Variants in LOXHD1 observed in about 807,000 individuals in gnomAD.
LOXHD1 encodes lipoxygenase homology domain-containing protein 1.
LOXHD1 carries 205 observed loss-of-function variants against 248.2 expected under a neutral mutation model. That is an observed-to-expected ratio of 0.83 (90% CI 0.74 to 0.93). LOXHD1 has a LOEUF of 0.93. Among genes scored for constraint, LOXHD1 ranks in the 40% least tolerant of loss-of-function variants. The probability of loss-of-function intolerance (pLI) is 0.00; values close to 1 mark genes in which losing one functional copy is unlikely to be tolerated. For synonymous variants in LOXHD1, 1,113 were observed against 1,162.8 expected (o/e 0.96, Z 0.87); for missense variants, 2,930 against 2,971.6 (o/e 0.99, Z 0.33).
At position 46,541,821 on chromosome 18, in the gene LOXHD1, T is replaced by C; in HGVS notation, c.3868A>G (p.Arg1290Gly). ...TGAAGCTCTGCATGGAAGAGGTCTC[T>C]GATGATGGACCCGTCGTCTTCGTTT... The part of the protein sequence containing the change: ...AKNEDDGSII[R>G]DLFHAELQTR... Residue 1290 changes from arginine to glycine, a missense_variant, in exon 25 of 41, where the codon AGA becomes GGA. Transcript: ENST00000642948. 1.9e-6 allele frequency: 3 copies of C among 1,551,688 alleles called. No homozygotes were observed. The highest frequency in any genetic ancestry group is 2.6e-6 in the Non-Finnish European group (3 of 1,146,984).
At chr18:46,533,692 G>A (rs564871426) in intron 27 of LOXHD1, 1 of 330,592 alleles carries the variant, frequency 3.0e-6, no homozygotes, top group Non-Finnish European at 6.0e-6. Context: ...GAGAGGCCAA[G>A]GCGGGTGGAT....
chr18:46,632,695 C>T (rs919581204), intron 4 of LOXHD1, among the ~76,000 whole-genome samples: 1 of 152,122 alleles, frequency 6.6e-6, no homozygotes, highest in Non-Finnish European at 1.5e-5. Flanking sequence ...AATTTGATAG[C>T]CAAGACTCTG....
At chr18:46,567,159 A>ATG in intron 16 of LOXHD1, among the ~76,000 whole-genome samples, 1 of 152,276 alleles carries the variant, frequency 6.6e-6, no homozygotes, top group Middle Eastern at 3.4e-3. Flanking sequence ...GATTGCTTTT[A>ATG]TGTTTTTTCT....
chr18:46,600,796 G>A (rs2038324935), intron 8 of LOXHD1, among the ~76,000 whole-genome samples: 1 of 152,184 alleles, frequency 6.6e-6, no homozygotes, highest in Admixed American at 6.5e-5. Flanking sequence ...CTGTGTGATA[G>A]ACAAAATTGA....
intron 20 of LOXHD1, chr18:46,558,959 GAC>G (rs1568183443): frequency 2.4e-6 from 1 of 409,956 alleles, no homozygotes; most frequent in African/African-American, 2.1e-5. Context: ...TCAGCTGGAA[GAC>G]ACACTGTCCT....
chr18:46,513,093 A>G (rs950643897), intron 34 of LOXHD1, among the ~76,000 whole-genome samples: 1 of 152,258 alleles, frequency 6.6e-6, no homozygotes, highest in African/African-American at 2.4e-5. Context: ...TTACCTTAAA[A>G]GCTGAGAACT....
Position 46,566,298 on chromosome 18 carries a change from T to C in LOXHD1, c.2396A>G (p.Glu799Gly), listed in dbSNP as rs1599010881. 9.0e-6 allele frequency: 14 copies of C among 1,551,654 alleles called. No homozygotes were observed. The East Asian group carries it at 3.4e-4, about 38-fold the overall frequency. The change falls in exon 17 of 41, where the codon GAG (glutamate) becomes GGG (glycine). Residue 799 changes from glutamate to glycine, a missense_variant. Coordinates refer to ENST00000642948, the MANE Select transcript of LOXHD1 (RefSeq NM_001384474.1). ...CACCTCGCTGGGATACAGCTCCACC[T>C]CCAGGCGCCCGTCAGCCTGGTTCTT... ...LDKNQADGRL[E>G]VELYPSEVVE...
rs528812415 is a variant in LOXHD1, at chr18:46,579,918, C to T, written c.1655-134G>A. 107 of 1,065,586 alleles carry T rather than the reference C, an allele frequency of 1.0e-4. 1 individual carries two copies. The South Asian group carries it at 1.5e-3, about 15-fold the overall frequency. The allele number at this position is 1,065,586 out of a possible 1,614,324, so 66.0% of individuals were successfully genotyped here. ...TCTGGGCTGACCTTCCCCCTTCCTCCCAACTATCTAAATCCTACCACACAC... is the reference window on the plus strand; with the variant it reads ...TCTGGGCTGACCTTCCCCCTTCCTCTCAACTATCTAAATCCTACCACACAC... On this transcript the variant is annotated intron_variant, in intron 12 of 40. Transcript: ENST00000642948.
chr18:46,583,322 C>T (rs562897165), intron 12 of LOXHD1, among the ~76,000 whole-genome samples: 17 of 152,084 alleles, frequency 1.1e-4, no homozygotes, highest in Non-Finnish European at 2.4e-4. Context: ...AATAATATTA[C>T]GTCAAACTTT....
chr18:46,632,040 T>C (rs1378646365), intron 4 of LOXHD1, among the ~76,000 whole-genome samples: 1 of 152,188 alleles, frequency 6.6e-6, no homozygotes, highest in African/African-American at 2.4e-5. Flanking sequence ...CTGCTAGCCC[T>C]AGACCAAGAA....
chr18:46,577,185 T>C (rs185021857), intron 14 of LOXHD1, among the ~76,000 whole-genome samples: 40 of 152,260 alleles, frequency 2.6e-4, no homozygotes, highest in Non-Finnish European at 5.3e-4. Flanking sequence ...AAAATCTCTC[T>C]ATCAGGGACT....
At chr18:46,528,264 G>A (rs1027665548) in intron 29 of LOXHD1, among the ~76,000 whole-genome samples, 3 of 152,060 alleles carry the variant, frequency 2.0e-5, no homozygotes, top group Admixed American at 6.5e-5. Context: ...GGCCTGTGGG[G>A]ATTTCAGGCA....
At chr18:46,647,432 C>A (rs2039045861) in intron 2 of LOXHD1, among the ~76,000 whole-genome samples, 1 of 152,152 alleles carries the variant, frequency 6.6e-6, no homozygotes, top group South Asian at 2.1e-4. Context: ...TTAGGACCAC[C>A]ATCAAAGGAG....
intron 29 of LOXHD1, among the ~76,000 whole-genome samples, chr18:46,526,397 A>T (rs1267472906): frequency 6.6e-6 from 1 of 152,246 alleles, no homozygotes. Context: ...GCAGCCATGC[A>T]CGCCAAGGGC....
intron 21 of LOXHD1, chr18:46,555,294 A>G: frequency 2.3e-6 from 1 of 431,056 alleles, no homozygotes; most frequent in Non-Finnish European, 4.8e-6. Context: ...ACAAAAGCCC[A>G]TAAAGATGGC....
At chr18:46,573,569 C>G in intron 14 of LOXHD1, among the ~76,000 whole-genome samples, 1 of 152,164 alleles carries the variant, frequency 6.6e-6, no homozygotes, top group Non-Finnish European at 1.5e-5. Flanking sequence ...GAGGCAACTC[C>G]CTGGCTACAG....
Position 46,618,200 on chromosome 18 carries a change from C to A in LOXHD1, c.602G>T (p.Gly201Val). 6.4e-7 allele frequency: 1 copy of A among 1,550,448 alleles called. No individual in the cohort carries two copies. Among genetic ancestry groups the A allele is most frequent in the Non-Finnish European group, 8.7e-7 (1 of 1,145,908 alleles). ...TAATTCAAACCCATTACCTGTGTCT[C>A]CATACTCTCCAAAAATATTGATGAA... The part of the protein sequence containing the change: ...DVFINIFGEY[G>V]DTGERRLENE... Residue 201 changes from glycine (G) to valine (V), a missense_variant, in exon 5 of 41, where the codon GGA (glycine) becomes GTA (valine). By Grantham distance (109) the Gly-to-Val change is moderately radical. Coordinates refer to ENST00000642948, the MANE Select transcript of LOXHD1 (RefSeq NM_001384474.1).
At chr18:46,614,462 C>A (rs1223698683) in intron 5 of LOXHD1, among the ~76,000 whole-genome samples, 1 of 152,054 alleles carries the variant, frequency 6.6e-6, no homozygotes. Context: ...AGCAAACTAT[C>A]GCAAGGATAG....
intron 37 of LOXHD1, among the ~76,000 whole-genome samples, chr18:46,490,186 T>G: frequency 6.6e-6 from 1 of 152,208 alleles, no homozygotes; most frequent in Non-Finnish European, 1.5e-5. Flanking sequence ...ATCCCAGTGG[T>G]TTGGCAGGTT....
Sources: allele counts gnomAD v4.1 joint callset (sites outside exome capture counted in the v4.1 genomes callset), GRCh38; gene constraint gnomAD v4.1.1; transcripts MANE v1.5; gene names NCBI Gene and HGNC (gene_info 2026-07-23, HGNC 2026-07-21).